The following MYO15A variants were observed in gnomAD, a reference collection of about 807,000 sequenced individuals.
MYO15A encodes the protein myosin XVA.
A neutral mutation model predicts 394.6 loss-of-function variants in MYO15A; 308 were observed. The ratio of observed to expected loss-of-function variants is 0.78; its 90% CI spans 0.71 to 0.86. The LOEUF is 0.86. Ranked by LOEUF, MYO15A falls within the 40% of genes least tolerant of loss-of-function variation. The pLI is 0.00. For synonymous variants in MYO15A, 1,957 were observed against 2,003.8 expected (o/e 0.98, Z 0.62); for missense variants, 4,606 against 4,799.1 (o/e 0.96, Z 1.19).
chr17:18,126,370 G>T lies in MYO15A; in HGVS notation c.3780G>T (p.Val1260=). ...AGACATACATTGGGAGCATCCTGGT[G>T]TCGGTGAACCCATACCAAATGTTTG... is the stretch of plus-strand genomic sequence containing the variant. ...LIYTYIGSIL[V]SVNPYQMFGI... Residue 1260 remains valine (V), a synonymous_variant, in exon 5 of 66, where the codon GTG becomes GTT. Transcript: ENST00000647165. 6.2e-7 allele frequency: 1 copy of T among 1,614,016 alleles called. No individual in the cohort carries two copies.
chr17:18,135,845 C>G, intron 13 of MYO15A, 21 bp downstream of exon 13: 1 of 1,603,760 alleles, frequency 6.2e-7, no homozygotes, highest in Non-Finnish European at 8.5e-7. Context: ...GGGCATCTGG[C>G]CTTCGAACAA....
rs773540701 is a variant in MYO15A, at chr17:18,157,873, T to G, written c.8940T>G (p.Ala2980=). Residue 2980 remains alanine, a synonymous_variant, in exon 51 of 66, where the codon GCT becomes GCG. Transcript: ENST00000647165. The part of the protein sequence containing the change: ...AVAAAVASAA[A]AQEVGRRREG... ...CCGCTGCTGTGGCCTCTGCAGCCGC[T>G]GCACAGGAGGTGGGCCGCAGGAGAG... The G allele has an allele frequency of 3.9e-6, 5 of 1,292,846 alleles. No individual in the cohort carries two copies. The highest frequency in any genetic ancestry group is 5.0e-6 in the Non-Finnish European group (5 of 1,000,386). 80.1% of individuals were successfully genotyped at this position (1,292,846 alleles called of 1,614,324 possible).
At chr17:18,158,377 G>T (rs2142390549) in intron 51 of MYO15A, 146 bp from the exon 52 acceptor site, 2 of 685,752 alleles carry the variant, frequency 2.9e-6, no homozygotes, top group East Asian at 5.4e-5. Context: ...TAAGAACAAC[G>T]GGATGCGGGT....
chr17:18,154,833 A>AG lies in MYO15A; in HGVS notation c.8224+80dup, dbSNP rs2046646691. ...CCAGCCCTGTCCCAGAGGGAGACTG[A>AG]GGCTGACAAGCCCAGGCCCACCATC... On this transcript the variant is annotated intron_variant, in intron 45 of 65. Transcript: ENST00000647165. The AG allele has an allele frequency of 4.7e-6, 7 of 1,492,036 alleles. No individual in the cohort carries two copies. The South Asian group carries it at 8.0e-5, about 17-fold the overall frequency. The allele number at this position is 1,492,036 out of a possible 1,614,324, so 92.4% of individuals were successfully genotyped here. A position where few individuals can be genotyped will look rare whatever the true frequency, so the allele number is the denominator to read the frequency against.
At chr17:18,158,081 A>C (rs1195622392) in intron 51 of MYO15A, among the ~76,000 whole-genome samples, 181 bp downstream of exon 51, 1 of 152,016 alleles carries the variant, frequency 6.6e-6, no homozygotes, top group South Asian at 2.1e-4. Flanking sequence ...GACCCGGGAG[A>C]TGGGACCAGA....
Position 18,138,145 on chromosome 17 carries a change from C to A in MYO15A, c.4906C>A (p.Gln1636Lys), listed in dbSNP as rs1342785506. The A allele has an allele frequency of 6.2e-7, 1 of 1,613,064 alleles. No homozygotes were observed. The highest frequency in any genetic ancestry group is 1.3e-5 in the African/African-American group (1 of 74,902). Residue 1636 changes from glutamine (Q) to lysine (K), a missense_variant, in exon 17 of 66, where the codon CAG (glutamine) becomes AAG (lysine). Gln to Lys is a moderately conservative substitution (Grantham distance 53, BLOSUM62 1). Transcript: ENST00000647165. ...EEYIREQIDWQEITFADNQPC... is the reference protein window; with the variant it reads ...EEYIREQIDWKEITFADNQPC... ...GTACATCCGTGAGCAGATAGACTGG[C>A]AGGAGATCACCTTTGCTGACAACCA...
chr17:18,157,517 C>T, intron 50 of MYO15A: 1 of 1,140,404 alleles, frequency 8.8e-7, no homozygotes, highest in Non-Finnish European at 1.2e-6. Flanking sequence ...TTTTGCTTCA[C>T]TTCCCCTTTA....
At chr17:18,137,176 A>G (rs913541936) in intron 15 of MYO15A, among the ~76,000 whole-genome samples, 2 of 152,248 alleles carry the variant, frequency 1.3e-5, no homozygotes, top group Non-Finnish European at 2.9e-5. Flanking sequence ...CAGCCATCAC[A>G]GGCACTCACG....
rs1597806424 is a variant in MYO15A, at chr17:18,153,989, G to A, written c.8088+93G>A. 1.2e-6 allele frequency: 2 copies of A among 1,606,120 alleles called. No homozygotes were observed. Among genetic ancestry groups the A allele is most frequent in the Non-Finnish European group, 1.7e-6 (2 of 1,174,680 alleles). On this transcript the variant is annotated intron_variant, in intron 43 of 65. Transcript: ENST00000647165. This position sits in a 1 kb window ranked among gnomAD's most constrained non-coding sequence, Gnocchi z 4.1. ...GGAGGGTCTAGGACTTGGGGAGGGA[G>A]CCCAGGAGGACAGAAAAAGGCCGGG...
chr17:18,166,049 C>T (rs2046849327), intron 60 of MYO15A, among the ~76,000 whole-genome samples: 1 of 152,196 alleles, frequency 6.6e-6, no homozygotes, highest in Non-Finnish European at 1.5e-5. Context: ...TTTCCCAGAT[C>T]CAGGCAGGCC....
At chr17:18,163,081 A>G (rs541212442) in intron 58 of MYO15A, among the ~76,000 whole-genome samples, 163 bp from the exon 59 acceptor site, 3 of 152,270 alleles carry the variant, frequency 2.0e-5, no homozygotes, top group Non-Finnish European at 4.4e-5. Context: ...GGTGCATTGC[A>G]CTCAGGGGCT....
Position 18,121,124 on chromosome 17 carries a change from C to T in MYO15A, c.2324C>T (p.Ser775Leu), listed in dbSNP as rs751469546. Residue 775 changes from serine to leucine, a missense_variant, in exon 2 of 66, where the codon TCG becomes TTG. Physicochemically the swap from Ser to Leu is moderately radical, Grantham distance 145. This residue lies in a region of MYO15A where 1,830 missense variants were observed against 1,689.7 expected (regional missense o/e 1.08). Coordinates refer to ENST00000647165, the MANE Select transcript of MYO15A (RefSeq NM_016239.4). The surrounding 1 kb of genome is among the most constrained non-coding windows in gnomAD (Gnocchi z 5.3). Reference protein sequence around the residue: ...SRRRAWSPLASPQPSLRSSPG... With the variant: ...SRRRAWSPLALPQPSLRSSPG... Reference sequence around the variant, plus strand: ...AGGCGAGCTTGGTCACCGCTGGCCTCGCCCCAGCCCTCGCTGAGGAGCTCG... The same window carrying T: ...AGGCGAGCTTGGTCACCGCTGGCCTTGCCCCAGCCCTCGCTGAGGAGCTCG... 6.6e-7 allele frequency: 1 copy of T among 1,505,666 alleles called. No individual in the cohort carries two copies. Among genetic ancestry groups the T allele is most frequent in the South Asian group, 1.2e-5 (1 of 81,278 alleles). 93.3% of individuals were successfully genotyped at this position (1,505,666 alleles called of 1,614,324 possible).
Position 18,151,172 on chromosome 17 carries a change from G to A in MYO15A, c.7536G>A (p.Val2512=). ...GCACCGGTCCCCCTGCCAAACCCGTGCTCCTGCGTGCCACTCCAAAGCCCT... is the reference window on the plus strand; with the variant it reads ...GCACCGGTCCCCCTGCCAAACCCGTACTCCTGCGTGCCACTCCAAAGCCCT... ...SVGTGPPAKP[V]LLRATPKPLA... Residue 2512 remains valine, a synonymous_variant, in exon 39 of 66, where the codon GTG becomes GTA. Coordinates refer to ENST00000647165, the MANE Select transcript of MYO15A (RefSeq NM_016239.4). 1 of 1,614,028 alleles carries A rather than the reference G, an allele frequency of 6.2e-7. No homozygotes were observed. Among genetic ancestry groups the A allele is most frequent in the Non-Finnish European group, 8.5e-7 (1 of 1,180,008 alleles).
chr17:18,151,242 C>T lies in MYO15A; in HGVS notation c.7606C>T (p.Pro2536Ser), dbSNP rs772858807. Residue 2536 changes from proline (P) to serine (S), a missense_variant, in exon 39 of 66, where the codon CCT becomes TCT. By Grantham distance (74) the Pro-to-Ser change is moderately conservative (BLOSUM62 -1). This residue lies in a region of MYO15A where 2,776 missense variants were observed against 3,109.3 expected (regional missense o/e 0.89). Coordinates refer to ENST00000647165, the MANE Select transcript of MYO15A (RefSeq NM_016239.4). ...LAKAPRLPIK[P>S]VAAPVLAQDQ... The stretch of plus-strand genomic sequence containing the variant: ...CAAGGCTCCAAGGCTCCCCATCAAG[C>T]CTGTGGCTGCCCCTGTTCTAGCTCA... 1.2e-5 allele frequency: 19 copies of T among 1,614,160 alleles called. No homozygotes were observed. In the Admixed American group the frequency reaches 3.0e-4, roughly 25 times the overall value.
chr17:18,143,596 G>C lies in MYO15A; in HGVS notation c.5941G>C (p.Gly1981Arg), dbSNP rs1240409145. The change falls in exon 26 of 66, where the codon GGG (glycine) becomes CGG (arginine). Residue 1981 changes from glycine (G) to arginine (R), a missense_variant. By Grantham distance (125) the Gly-to-Arg change is moderately radical (BLOSUM62 -2). Around this residue, in one of 2 missense-constraint regions of MYO15A, gnomAD observed 2,776 missense variants for 3,109.3 expected, o/e 0.89. Transcript: ENST00000647165. ...LRAEWRCQVEGALLWEQEELS... is the reference protein window; with the variant it reads ...LRAEWRCQVERALLWEQEELS... ...GGCAGAGTGGAGGTGCCAGGTGGAGGGGGCGCTGCTGTGGGAGCAGGAGGT... is the reference window on the plus strand; with the variant it reads ...GGCAGAGTGGAGGTGCCAGGTGGAGCGGGCGCTGCTGTGGGAGCAGGAGGT... 2 of 1,565,230 alleles carry C rather than the reference G, an allele frequency of 1.3e-6. No homozygotes were observed. Among genetic ancestry groups the C allele is most frequent in the Non-Finnish European group, 1.7e-6 (2 of 1,154,530 alleles).
intron 64 of MYO15A, 72 bp downstream of exon 64, chr17:18,172,362 A>G: frequency 6.2e-7 from 1 of 1,608,856 alleles, no homozygotes; most frequent in Non-Finnish European, 8.5e-7. Flanking sequence ...CCAAGAGGCC[A>G]AGACCTCCAG....
rs761167583 is a variant in MYO15A at position 18,157,072 on chromosome 17, G to A, written c.8713+7G>A. 2.5e-6 allele frequency: 4 copies of A among 1,613,788 alleles called. No homozygotes were observed. In the African/African-American group the frequency reaches 4.0e-5, roughly 16 times the overall value. ...CTAGAGCCACCTCGAGTGGGTCAGTGCCACTGGGGTGGGCTGGGGGCAGGA... is the reference window on the plus strand; with the variant it reads ...CTAGAGCCACCTCGAGTGGGTCAGTACCACTGGGGTGGGCTGGGGGCAGGA... On this transcript the variant is annotated splice_region_variant and intron_variant, in intron 49 of 65. Transcript: ENST00000647165.
In MYO15A at chr17:18,179,262, T is replaced by C; in HGVS notation, c.*392T>C. ...TGCCTTTGGTTTACTCAGGGTCTGA[T>C]GTTGGAATCTGCTCCAACTCCACAC... On this transcript the variant is annotated 3_prime_UTR_variant, in exon 66 of 66. Transcript: ENST00000647165. 2.9e-6 allele frequency: 1 copy of C among 343,110 alleles called. No homozygotes were observed. Among genetic ancestry groups the C allele is most frequent in the East Asian group, 7.2e-5 (1 of 13,912 alleles). The allele number at this position is 343,110 out of a possible 1,614,324, so 21.3% of individuals were successfully genotyped here. A position where few individuals can be genotyped will look rare whatever the true frequency, so the allele number is the denominator to read the frequency against.
chr17:18,140,999 C>T lies in MYO15A; in HGVS notation c.5407-20C>T, dbSNP rs773659228. ...ATGGCTGAGCCAATGTGCAGACTCC[C>T]TCTCTGGGCATCCCTACAGGAGCCA... On this transcript the variant is annotated intron_variant, in intron 21 of 65. Transcript: ENST00000647165. 1 of 1,613,682 alleles carries T rather than the reference C, an allele frequency of 6.2e-7. No individual in the cohort carries two copies. Among genetic ancestry groups the T allele is most frequent in the Non-Finnish European group, 8.5e-7 (1 of 1,180,032 alleles).
Sources: gnomAD v4.1 joint callset for allele counts (sites outside exome capture counted in the v4.1 genomes callset) on GRCh38, gnomAD v4.1.1 for gene constraint, gnomAD v4.1.1 regional missense constraint, Gnocchi (gnomAD v3.1) non-coding constraint, MANE v1.5 for transcripts, NCBI Gene and HGNC (gene_info 2026-07-23, HGNC 2026-07-21) for gene names.